The following PTPN4 variants were observed in gnomAD, a reference collection of about 807,000 sequenced individuals.
The protein encoded by PTPN4 is tyrosine-protein phosphatase non-receptor type 4.
PTPN4 carries 49 observed loss-of-function variants against 135.5 expected under a neutral mutation model. The ratio of observed to expected loss-of-function variants is 0.36; its 90% CI spans 0.29 to 0.46. The LOEUF is 0.46. Among genes scored for constraint, PTPN4 ranks in the 20% least tolerant of loss-of-function variants. The probability of loss-of-function intolerance (pLI) is 1.00; values close to 1 mark genes in which losing one functional copy is unlikely to be tolerated. For synonymous variants in PTPN4, 333 were observed against 369.9 expected (o/e 0.90, Z 1.14); for missense variants, 860 against 1,101.0 (o/e 0.78, Z 3.10).
intron 2 of PTPN4, among the ~76,000 whole-genome samples, chr2:119,845,535 CT>C (rs916894026): frequency 6.6e-6 from 1 of 152,108 alleles, no homozygotes; most frequent in Non-Finnish European, 1.5e-5. Context: ...CTTAACATCT[CT>C]TTTTTCCCCT....
rs969392634 is a variant in PTPN4, at chr2:119,884,085, A to C, written c.587+1462A>C. On this transcript the variant is annotated intron_variant, in intron 8 of 26. Coordinates refer to ENST00000263708, the MANE Select transcript of PTPN4 (RefSeq NM_002830.4). ...GGCTAATTTTTTGTATTTTTAATAG[A>C]GATGGGGTTTCACCGTGTTAGCCAG... 6.6e-5 allele frequency among the ~76,000 whole-genome samples: 10 copies of C among 152,292 alleles called. No individual in the cohort carries two copies. In the East Asian group the frequency reaches 1.9e-3, roughly 29 times the overall value.
intron 2 of PTPN4, among the ~76,000 whole-genome samples, chr2:119,810,707 C>T (rs1691560735): frequency 6.6e-6 from 1 of 152,118 alleles, no homozygotes; most frequent in African/African-American, 2.4e-5. Context: ...TATTTAAAAA[C>T]TTTTCAACCT....
At chr2:119,884,159 A>G (rs1206253681) in intron 8 of PTPN4, among the ~76,000 whole-genome samples, 1 of 152,198 alleles carries the variant, frequency 6.6e-6, no homozygotes, top group Non-Finnish European at 1.5e-5. Flanking sequence ...TGGCCTCCCA[A>G]AGTGCTGGGA....
intron 22 of PTPN4, 135 bp downstream of exon 22, chr2:119,957,212 T>A: frequency 1.2e-6 from 1 of 809,718 alleles, no homozygotes; most frequent in Non-Finnish European, 1.9e-6. Context: ...ATTGAAGTAA[T>A]ATTAAAGAAA....
intron 15 of PTPN4, among the ~76,000 whole-genome samples, chr2:119,939,614 T>G (rs551502982): frequency 6.6e-6 from 1 of 152,230 alleles, no homozygotes; most frequent in East Asian, 1.9e-4. Flanking sequence ...CATCCTCAAG[T>G]GTTAAATCCA....
chr2:119,789,298 G>A (rs942303104), intron 1 of PTPN4, among the ~76,000 whole-genome samples: 24 of 152,158 alleles, frequency 1.6e-4, no homozygotes, highest in African/African-American at 5.8e-4. Flanking sequence ...TTGAGTTATA[G>A]AAGTTATTTA....
rs1401362066 is a variant in PTPN4 at position 119,846,090 on chromosome 2, T to A, written c.139-16446T>A. Among the ~76,000 whole-genome samples the A allele has an allele frequency of 2.6e-5, 4 of 152,222 alleles. No individual in the cohort carries two copies. In the East Asian group the frequency reaches 7.7e-4, roughly 29 times the overall value. On this transcript the variant is annotated intron_variant, in intron 2 of 26. Coordinates refer to ENST00000263708, the MANE Select transcript of PTPN4 (RefSeq NM_002830.4). ...TTCAGTTCCTTTAAATTTACTGAGG[T>A]TTATTTCATGGCCTACCATATGGTT... is the stretch of plus-strand genomic sequence containing the variant.
chr2:119,943,950 G>A (rs1679098338), intron 15 of PTPN4, among the ~76,000 whole-genome samples: 1 of 151,978 alleles, frequency 6.6e-6, no homozygotes, highest in Non-Finnish European at 1.5e-5. Flanking sequence ...CTACCCACAT[G>A]TCATTGGCCA....
At chr2:119,828,495 A>G (rs1187563581) in intron 2 of PTPN4, among the ~76,000 whole-genome samples, 1 of 152,236 alleles carries the variant, frequency 6.6e-6, no homozygotes, top group East Asian at 1.9e-4. Context: ...TGGGGCTACT[A>G]TGAATACTGT....
At chr2:119,841,480 T>C (rs1677379988) in intron 2 of PTPN4, among the ~76,000 whole-genome samples, 1 of 152,224 alleles carries the variant, frequency 6.6e-6, no homozygotes, top group Non-Finnish European at 1.5e-5. Flanking sequence ...ATCTTTTTGG[T>C]TCTTTTTAAT....
intron 2 of PTPN4, among the ~76,000 whole-genome samples, chr2:119,831,609 A>C (rs986129871): frequency 4.6e-5 from 7 of 152,192 alleles, no homozygotes; most frequent in African/African-American, 1.7e-4. Context: ...ATTGTATAAT[A>C]ATTCTTTGTC....
chr2:119,812,257 G>C (rs1037305573), intron 2 of PTPN4, among the ~76,000 whole-genome samples: 4 of 152,094 alleles, frequency 2.6e-5, no homozygotes, highest in Non-Finnish European at 5.9e-5. Flanking sequence ...TTTGGTGTTT[G>C]TTTTCTTGTG....
rs1186895304 is a variant in PTPN4, at chr2:119,928,685, A to G, written c.1070+2019A>G. On this transcript the variant is annotated intron_variant, in intron 13 of 26. Transcript: ENST00000263708. ...ATGTATTTTTTAAAAAACGAATAAC[A>G]TTTCTTAAAATATTTTTCTGATTCT... Among the ~76,000 whole-genome samples the G allele has an allele frequency of 2.0e-5, 3 of 152,158 alleles. No homozygotes were observed. In the East Asian group the frequency reaches 5.8e-4, roughly 29 times the overall value.
At chr2:119,862,741 G>GTT in intron 3 of PTPN4, 98 bp downstream of exon 3, 66 of 810,890 alleles carry the variant, frequency 8.1e-5, no homozygotes, top group East Asian at 9.7e-5. Flanking sequence ...GATTTGATGA[G>GTT]TTTTTTTTTT....
Position 119,949,288 on chromosome 2 carries a change from T to C in PTPN4, c.1657-2685T>C, listed in dbSNP as rs920068879. ...AAACAATAGGAATTTATTATTTTTGTATTATTTTGTTAATTTAGAGATCAC... is the reference window on the plus strand; with the variant it reads ...AAACAATAGGAATTTATTATTTTTGCATTATTTTGTTAATTTAGAGATCAC... On this transcript the variant is annotated intron_variant, in intron 18 of 26. Coordinates refer to ENST00000263708, the MANE Select transcript of PTPN4 (RefSeq NM_002830.4). Among the ~76,000 whole-genome samples the C allele has an allele frequency of 2.0e-5, 3 of 152,308 alleles. No homozygotes were observed. The South Asian group carries it at 6.2e-4, about 32-fold the overall frequency.
chr2:119,940,254 C>T (rs940329771), intron 15 of PTPN4, among the ~76,000 whole-genome samples: 25 of 152,178 alleles, frequency 1.6e-4, no homozygotes, highest in African/African-American at 6.0e-4. Flanking sequence ...CCTGAAGTGA[C>T]ATTTACTTTG....
Position 119,960,823 on chromosome 2 carries a change from C to G in PTPN4, c.2150C>G (p.Ser717Cys). The change falls in exon 23 of 27, where the codon TCC (serine) becomes TGC (cysteine). Residue 717 changes from serine to cysteine, a missense_variant. Ser to Cys is a moderately radical substitution (Grantham distance 112). Around this residue, in one of 2 missense-constraint regions of PTPN4, gnomAD observed 176 missense variants for 294.1 expected, o/e 0.60. Coordinates refer to ENST00000263708, the MANE Select transcript of PTPN4 (RefSeq NM_002830.4). ...ANYINMEIPS[S>C]SIINQYIACQ... ...TCTTTTTAGATGGAAATTCCTTCTT[C>G]CAGCATTATAAATCAGTACATTGCT... 1 of 1,605,810 alleles carries G rather than the reference C, an allele frequency of 6.2e-7. No homozygotes were observed. The highest frequency in any genetic ancestry group is 8.5e-7 in the Non-Finnish European group (1 of 1,177,986).
intron 1 of PTPN4, among the ~76,000 whole-genome samples, chr2:119,791,972 T>A (rs1365421336): frequency 6.6e-6 from 1 of 152,160 alleles, no homozygotes; most frequent in Admixed American, 6.5e-5. Context: ...CTGTTCGTGT[T>A]TTTTTGTTTT....
At chr2:119,845,603 CT>C (rs1403389149) in intron 2 of PTPN4, among the ~76,000 whole-genome samples, 1 of 151,856 alleles carries the variant, frequency 6.6e-6, no homozygotes, top group African/African-American at 2.4e-5. Flanking sequence ...ACTTTTTACT[CT>C]TTTTTTGTTC....
Sources: allele counts gnomAD v4.1 joint callset (sites outside exome capture counted in the v4.1 genomes callset), GRCh38; gene constraint gnomAD v4.1.1; regional missense constraint gnomAD v4.1.1; transcripts MANE v1.5; gene names NCBI Gene and HGNC (gene_info 2026-07-23, HGNC 2026-07-21).